The following SEMA6A variants were observed in gnomAD, a reference collection of about 807,000 sequenced individuals.
SEMA6A encodes semaphorin-6A.
A neutral mutation model predicts 96.8 loss-of-function variants in SEMA6A; 25 were observed. The observed-to-expected ratio is 0.26, with a 90% CI of 0.19 to 0.36. The LOEUF (loss-of-function observed/expected upper bound fraction) is 0.36, where lower values mean the gene tolerates loss of function less well. Ranked by LOEUF, SEMA6A falls within the 10% of genes least tolerant of loss-of-function variation. SEMA6A has a pLI of 1.00. For missense variants in SEMA6A, 1,363 were observed against 1,323.1 expected (o/e 1.03, Z -0.47); for synonymous variants, 612 against 518.0 (o/e 1.18, Z -2.46).
chr5:116,446,759 C>T lies in SEMA6A; in HGVS notation c.2947G>A (p.Val983Ile), dbSNP rs1754237970. The T allele has an allele frequency of 6.2e-7, 1 of 1,609,580 alleles. No homozygotes were observed. The highest frequency in any genetic ancestry group is 1.7e-5 in the Admixed American group (1 of 59,236). The change falls in exon 19 of 19, where the codon GTC (valine) becomes ATC (isoleucine). Residue 983 changes from valine (V) to isoleucine (I), a missense_variant. Coordinates refer to ENST00000343348, the MANE Select transcript of SEMA6A (RefSeq NM_020796.5). ...SSQPSGQAVT[V>I]SRQPSLNAYN... ...GCGTTGAGGCTGGGCTGCCTCGAGA[C>T]AGTCACGGCCTGGCCAGATGGCTGG...
chr5:116,446,456 A>G lies in SEMA6A; in HGVS notation c.*157T>C, dbSNP rs878932484. Reference sequence around the variant, plus strand: ...CAAACCACGCGGCCCAGTTTTCGTGAGTACCCCTGTGTCCCAGAGAGGAGG... The same window carrying G: ...CAAACCACGCGGCCCAGTTTTCGTGGGTACCCCTGTGTCCCAGAGAGGAGG... On this transcript the variant is annotated 3_prime_UTR_variant, in exon 19 of 19. Transcript: ENST00000343348. 3 of 588,850 alleles carry G rather than the reference A, an allele frequency of 5.1e-6. No individual in the cohort carries two copies. The highest frequency in any genetic ancestry group is 8.3e-6 in the Non-Finnish European group (3 of 361,910). 36.5% of individuals were successfully genotyped at this position (588,850 alleles called of 1,614,324 possible). A position where few individuals can be genotyped will look rare whatever the true frequency, so the allele number is the denominator to read the frequency against.
rs548515176 is a variant in SEMA6A at position 116,496,809 on chromosome 5, T to G, written c.280-496A>C. On this transcript the variant is annotated intron_variant, in intron 4 of 18. Transcript: ENST00000343348. The stretch of plus-strand genomic sequence containing the variant: ...TACTCCTTCACATAGATTAATGGAC[T>G]GAAGGGATCTTCTACTCCTATGGCA... Among the ~76,000 whole-genome samples the G allele has an allele frequency of 2.6e-5, 4 of 152,330 alleles. No individual in the cohort carries two copies. The South Asian group carries it at 8.3e-4, about 32-fold the overall frequency.
chr5:116,456,117 G>C (rs970678841), intron 18 of SEMA6A, among the ~76,000 whole-genome samples: 3 of 152,102 alleles, frequency 2.0e-5, no homozygotes, highest in African/African-American at 7.2e-5. Flanking sequence ...GTAAAAATAA[G>C]GATTTACAAC....
intron 18 of SEMA6A, among the ~76,000 whole-genome samples, chr5:116,450,301 C>G (rs1447731478): frequency 1.3e-5 from 2 of 152,130 alleles, no homozygotes; most frequent in East Asian, 1.9e-4. Context: ...TCATGAAACC[C>G]TTCCAGGCTA....
At chr5:116,500,685 T>C (rs143598661) in intron 3 of SEMA6A, among the ~76,000 whole-genome samples, 12 of 152,274 alleles carry the variant, frequency 7.9e-5, no homozygotes, top group African/African-American at 2.9e-4. Context: ...ATTTACTTGT[T>C]CTTTCCTTAT....
Position 116,499,053 on chromosome 5 carries a change from T to A in SEMA6A, c.219-1666A>T, listed in dbSNP as rs1422862435. 4 of 152,182 alleles carry A rather than the reference T, an allele frequency of 2.6e-5. No homozygotes were observed. The East Asian group carries it at 7.7e-4, about 29-fold the overall frequency. 9.4% of individuals were successfully genotyped at this position (152,182 alleles called of 1,614,324 possible). A position where few individuals can be genotyped will look rare whatever the true frequency, so the allele number is the denominator to read the frequency against. On this transcript the variant is annotated intron_variant, in intron 3 of 18. Transcript: ENST00000343348. ...AGGGGTTCTTGCCACCAACCCTCAC[T>A]CAGTCCCCCGGGTTCTGGATGGGAC...
intron 1 of SEMA6A, among the ~76,000 whole-genome samples, chr5:116,554,424 T>C (rs1431939745): frequency 6.6e-6 from 1 of 152,264 alleles, no homozygotes; most frequent in Non-Finnish European, 1.5e-5. Context: ...ATATCCACTT[T>C]AAAACAGCTT....
At chr5:116,479,007 T>C (rs1049937481) in intron 12 of SEMA6A, among the ~76,000 whole-genome samples, 1 of 151,778 alleles carries the variant, frequency 6.6e-6, no homozygotes, top group Non-Finnish European at 1.5e-5. Flanking sequence ...CTGAAACCAC[T>C]TAGCAATAAT....
intron 18 of SEMA6A, among the ~76,000 whole-genome samples, chr5:116,461,338 C>G (rs1404937321): frequency 6.6e-6 from 1 of 152,130 alleles, no homozygotes; most frequent in East Asian, 1.9e-4. Context: ...TATTAGTACT[C>G]CCCAAGACAG....
At chr5:116,567,647 T>C (rs967205590) in intron 1 of SEMA6A, among the ~76,000 whole-genome samples, 38 of 152,288 alleles carry the variant, frequency 2.5e-4, no homozygotes, top group African/African-American at 8.9e-4. Flanking sequence ...TGTTGGTAAA[T>C]GGCAAAACAA....
chr5:116,499,655 G>A (rs1315201811), intron 3 of SEMA6A, among the ~76,000 whole-genome samples: 1 of 152,226 alleles, frequency 6.6e-6, no homozygotes, highest in Non-Finnish European at 1.5e-5. Flanking sequence ...GCTGCGTATG[G>A]TGTGAAAACA....
chr5:116,556,280 A>C (rs1164616153), intron 1 of SEMA6A, among the ~76,000 whole-genome samples: 1 of 152,224 alleles, frequency 6.6e-6, no homozygotes, highest in Non-Finnish European at 1.5e-5. Flanking sequence ...CCATGCTCTG[A>C]CACACAAAAG....
At chr5:116,492,230 C>T (rs916957960) in intron 6 of SEMA6A, 1 of 182,504 alleles carries the variant, frequency 5.5e-6, no homozygotes, top group Non-Finnish European at 1.1e-5. Flanking sequence ...CTAAGCTGTG[C>T]ACGCTCTAAT....
At chr5:116,523,500 C>T (rs1256173840) in intron 1 of SEMA6A, among the ~76,000 whole-genome samples, 1 of 152,016 alleles carries the variant, frequency 6.6e-6, no homozygotes, top group Non-Finnish European at 1.5e-5. Context: ...TTTGTAGAGA[C>T]GGGATTTCAT....
rs148619693 is a variant in SEMA6A, at chr5:116,482,184, G to A, written c.1094+260C>T. On this transcript the variant is annotated intron_variant, in intron 11 of 18. Coordinates refer to ENST00000343348, the MANE Select transcript of SEMA6A (RefSeq NM_020796.5). ...CAGGCCTCAGTTTTCCCAACTATAA[G>A]CCAGTGACACCTCAGATGGTTTCCA... is the stretch of plus-strand genomic sequence containing the variant. Among the ~76,000 whole-genome samples, 11 of 152,212 alleles carry A rather than the reference G, an allele frequency of 7.2e-5. 1 individual carries two copies. The East Asian group carries it at 2.1e-3, about 29-fold the overall frequency.
At chr5:116,465,339 C>A (rs1474748692) in intron 18 of SEMA6A, among the ~76,000 whole-genome samples, 1 of 152,084 alleles carries the variant, frequency 6.6e-6, no homozygotes, top group African/African-American at 2.4e-5. Context: ...GAACATTAAA[C>A]AAAAAACAAT....
rs1758066888 is a variant in SEMA6A, at chr5:116,504,834, T to C, written c.100+11A>G. 7.6e-6 allele frequency: 12 copies of C among 1,581,126 alleles called. No homozygotes were observed. Among genetic ancestry groups the C allele is most frequent in the Non-Finnish European group, 9.5e-6 (11 of 1,159,752 alleles). ...CAAAGGGAGACACTGAGTGAGACCATGGGTACTTACAGTTGCCATGCGAAA... is the reference window on the plus strand; with the variant it reads ...CAAAGGGAGACACTGAGTGAGACCACGGGTACTTACAGTTGCCATGCGAAA... On this transcript the variant is annotated intron_variant, in intron 2 of 18. Transcript: ENST00000343348.
At chr5:116,449,303 GACAGAAAAGGT>G in intron 18 of SEMA6A, 1 of 701,982 alleles carries the variant, frequency 1.4e-6, no homozygotes, top group Non-Finnish European at 2.6e-6. Context: ...ATGATAGCAA[GACAGAAAAGGT>G]ACCTTCTCTG....
rs563312432 is a variant in SEMA6A, at chr5:116,460,686, A to G, written c.1894+6897T>C. Among the ~76,000 whole-genome samples, 28 of 152,282 alleles carry G rather than the reference A, an allele frequency of 1.8e-4. No individual in the cohort carries two copies. The South Asian group carries it at 5.8e-3, about 32-fold the overall frequency. ...CTGAGCATCCTGTATTTTGCCTAGC[A>G]ACCCTACTCTTCTTTTCCCAAACAG... is the stretch of plus-strand genomic sequence containing the variant. On this transcript the variant is annotated intron_variant, in intron 18 of 18. Transcript: ENST00000343348.
Sources: allele counts gnomAD v4.1 joint callset (sites outside exome capture counted in the v4.1 genomes callset), GRCh38; gene constraint gnomAD v4.1.1; transcripts MANE v1.5; gene names NCBI Gene and HGNC (gene_info 2026-07-23, HGNC 2026-07-21).